ENOX2: variants seen among roughly 807,000 people sequenced by gnomAD.
ENOX2 encodes ecto-NOX disulfide-thiol exchanger 2.
ENOX2 carries 36 observed loss-of-function variants against 45.0 expected under a neutral mutation model. That is an observed-to-expected ratio of 0.80 (90% confidence interval 0.61 to 1.06). The LOEUF (loss-of-function observed/expected upper bound fraction) is 1.06. Among genes scored for constraint, ENOX2 ranks in the 50% least tolerant of loss-of-function variants. The probability of loss-of-function intolerance (pLI) is 0.00; values close to 1 mark genes in which losing one functional copy is unlikely to be tolerated. For missense variants in ENOX2, 423 were observed against 462.5 expected, an observed-to-expected ratio of 0.91 and a Z score of 0.78; for synonymous variants, 174 against 152.3, an observed-to-expected ratio of 1.14 and a Z score of -1.05.
At chrX:130,698,190 T>G (rs1444977247) in intron 4 of ENOX2, among the ~76,000 whole-genome samples, 1 of 112,207 alleles carries the variant, frequency 8.9e-6, no homozygotes, top group East Asian at 2.8e-4. Context: ...TCATACATTT[T>G]TGTTGAAGTA....
chrX:130,821,682 A>G (rs1254456850), intron 2 of ENOX2, among the ~76,000 whole-genome samples: 1 of 89,208 alleles, frequency 1.1e-5, no homozygotes, highest in Admixed American at 1.3e-4. Flanking sequence ...CCTAAAACTT[A>G]AAGTATAATA....
intron 4 of ENOX2, among the ~76,000 whole-genome samples, chrX:130,690,539 A>C (rs1164851803): frequency 8.9e-6 from 1 of 112,571 alleles, no homozygotes; most frequent in Non-Finnish European, 1.9e-5. Context: ...AAAGAAAGAA[A>C]GTACTGCAGC....
chrX:130,819,925 G>A (rs2077566014), intron 2 of ENOX2, among the ~76,000 whole-genome samples: 1 of 111,365 alleles, frequency 9.0e-6, no homozygotes. Flanking sequence ...ATGATTTTAG[G>A]GATAGGACCC....
intron 10 of ENOX2, among the ~76,000 whole-genome samples, chrX:130,650,724 GT>G (rs2036377451): frequency 1.8e-5 from 2 of 111,615 alleles, no homozygotes; most frequent in South Asian, 7.5e-4. Flanking sequence ...TATGACAATT[GT>G]TCCTCAGATC....
chrX:130,853,000 C>T (rs763686690), intron 2 of ENOX2, among the ~76,000 whole-genome samples: 4 of 110,634 alleles, frequency 3.6e-5, no homozygotes, highest in African/African-American at 1.3e-4. Flanking sequence ...ATAAGACAAA[C>T]ATAAGAACAT....
At chrX:130,877,502 C>A (rs1242824662) in intron 2 of ENOX2, among the ~76,000 whole-genome samples, 1 of 111,949 alleles carries the variant, frequency 8.9e-6, no homozygotes, top group Non-Finnish European at 1.9e-5. Flanking sequence ...CCTGAATGAA[C>A]TATTTGTCTG....
At chrX:130,740,054 T>C (rs1028725787) in intron 3 of ENOX2, among the ~76,000 whole-genome samples, 2 of 112,071 alleles carry the variant, frequency 1.8e-5, no homozygotes, top group Non-Finnish European at 3.8e-5. Flanking sequence ...AGTGACCCTA[T>C]GCAAGTGTTA....
intron 7 of ENOX2, among the ~76,000 whole-genome samples, chrX:130,669,309 T>C (rs985057312): frequency 3.6e-5 from 4 of 112,296 alleles, no homozygotes; most frequent in Non-Finnish European, 7.5e-5. Flanking sequence ...ATTAACAAAA[T>C]GGCTGAGAGT....
chrX:130,821,743 A>T lies in ENOX2; in HGVS notation c.-182-38053T>A, dbSNP rs1453964163. Among the ~76,000 whole-genome samples, 54 of 43,683 alleles carry T rather than the reference A, an allele frequency of 1.2e-3. No homozygotes were observed. The South Asian group carries it at 0.016, about 13-fold the overall frequency. 37.9% of individuals were successfully genotyped at this position (43,683 alleles called of 115,157 possible). On this transcript the variant is annotated intron_variant, in intron 2 of 14. Coordinates refer to ENST00000394363, the MANE Select transcript of ENOX2 (RefSeq NM_006375.4). ...ATAAATAAAAATAAATAAATAAATT[A>T]AAAAAAAAAAAAAAAAAAAAAAAAA...
chrX:130,880,196 G>A (rs2148570646), intron 2 of ENOX2, among the ~76,000 whole-genome samples: 1 of 111,636 alleles, frequency 9.0e-6, no homozygotes, highest in South Asian at 3.8e-4. Context: ...AGAAAGAAGG[G>A]AATTTCAGGA....
At chrX:130,894,936 C>T (rs1241914303) in intron 2 of ENOX2, among the ~76,000 whole-genome samples, 1 of 111,644 alleles carries the variant, frequency 9.0e-6, no homozygotes, top group Non-Finnish European at 1.9e-5. Flanking sequence ...TAGGCAATGC[C>T]CCTCATCCTT....
intron 2 of ENOX2, among the ~76,000 whole-genome samples, chrX:130,890,829 G>A (rs1057166746): frequency 2.7e-5 from 3 of 112,830 alleles, no homozygotes; most frequent in African/African-American, 6.4e-5. Context: ...TTTGATCTTG[G>A]TCAAGTCACT....
intron 2 of ENOX2, among the ~76,000 whole-genome samples, chrX:130,822,131 C>T (rs1033715169): frequency 1.9e-5 from 2 of 102,653 alleles, no homozygotes; most frequent in African/African-American, 7.2e-5. Context: ...GGAAGTGAAA[C>T]GAGAGCAGAG....
intron 3 of ENOX2, among the ~76,000 whole-genome samples, chrX:130,730,152 A>G (rs1430194387): frequency 1.8e-5 from 2 of 112,227 alleles, no homozygotes; most frequent in Non-Finnish European, 3.8e-5. Flanking sequence ...TCTGTCCTCC[A>G]CATATACGCA....
rs202138559 is a variant in ENOX2 at position 130,745,660 on chromosome X, TATTCACTACATGC to T, written c.-39+37874_-39+37886del. Among the ~76,000 whole-genome samples the T allele has an allele frequency of 1.5e-3, 164 of 112,303 alleles. 2 individuals carry two copies. Among genetic ancestry groups the T allele is most frequent in the East Asian group, 0.012 (42 of 3,550 alleles). ...AGTACATGTGATACCACCTACTGCT[TATTCACTACATGC>T]AGAACCCTGCAATGGCTATTTATGA... On this transcript the variant is annotated intron_variant, in intron 3 of 14. Coordinates refer to ENST00000394363, the MANE Select transcript of ENOX2 (RefSeq NM_006375.4).
At chrX:130,652,126 T>A (rs1603296809) in intron 10 of ENOX2, among the ~76,000 whole-genome samples, 1 of 112,176 alleles carries the variant, frequency 8.9e-6, no homozygotes, top group South Asian at 3.7e-4. Flanking sequence ...GGCCCCTACC[T>A]CTATCACTCT....
intron 3 of ENOX2, among the ~76,000 whole-genome samples, chrX:130,762,006 T>G (rs1239627159): frequency 8.9e-6 from 1 of 112,038 alleles, no homozygotes; most frequent in African/African-American, 3.2e-5. Context: ...TATTGATATT[T>G]TTCAAAGATT....
At chrX:130,823,852 G>A (rs1037222447) in intron 2 of ENOX2, among the ~76,000 whole-genome samples, 8 of 111,530 alleles carry the variant, frequency 7.2e-5, no homozygotes, top group Non-Finnish European at 7.5e-5. Context: ...GACACTCAAG[G>A]GTTGAAAGAG....
At chrX:130,642,094 G>C (rs1223449523) in intron 10 of ENOX2, among the ~76,000 whole-genome samples, 1 of 112,212 alleles carries the variant, frequency 8.9e-6, no homozygotes, top group Non-Finnish European at 1.9e-5. Context: ...TTCCTCTGAT[G>C]GATCTGTGTA....
Sources: gnomAD v4.1 joint callset for allele counts (sites outside exome capture counted in the v4.1 genomes callset) on GRCh38, gnomAD v4.1.1 for gene constraint, MANE v1.5 for transcripts, NCBI Gene and HGNC (gene_info 2026-07-23, HGNC 2026-07-21) for gene names.